OTUB2: variants seen among roughly 807,000 people sequenced by gnomAD.
OTUB2 encodes OTU deubiquitinase, ubiquitin aldehyde binding 2.
A neutral mutation model predicts 25.1 loss-of-function variants in OTUB2; 21 were observed. The ratio of observed to expected loss-of-function variants is 0.84; its 90% CI spans 0.59 to 1.21. The LOEUF is 1.21. OTUB2 is among the 50% of genes most tolerant of loss of function. The pLI is 0.00. For missense variants in OTUB2, 283 were observed against 298.0 expected (o/e 0.95, Z 0.37); for synonymous variants, 122 against 122.8 (o/e 0.99, Z 0.04).
At chr14:94,043,523 G>C (rs1885202657) in intron 3 of OTUB2, among the ~76,000 whole-genome samples, 1 of 152,250 alleles carries the variant, frequency 6.6e-6, no homozygotes, top group South Asian at 2.1e-4. Context: ...CATGCGCAGA[G>C]CAAGGGCCTG....
intron 2 of OTUB2, 118 bp from the exon 3 acceptor site, chr14:94,038,845 G>A: frequency 1.1e-6 from 1 of 885,298 alleles, no homozygotes; most frequent in Non-Finnish European, 1.9e-6. Context: ...ATAGCAGCCT[G>A]AAGGGAGGGA....
intron 4 of OTUB2, 39 bp downstream of exon 4, chr14:94,044,094 A>T: frequency 4.4e-6 from 7 of 1,578,304 alleles, no homozygotes; most frequent in Non-Finnish European, 6.1e-6. Context: ...CTGGCAGAGC[A>T]GACAGGAGTG....
intron 5 of OTUB2, among the ~76,000 whole-genome samples, chr14:94,045,145 G>A (rs1049888111): frequency 2.0e-5 from 3 of 152,164 alleles, no homozygotes; most frequent in Non-Finnish European, 4.4e-5. Context: ...ATGAATATTT[G>A]GATTTCTGCT....
chr14:94,039,351 C>G (rs73348145), intron 3 of OTUB2: 1 of 499,206 alleles, frequency 2.0e-6, no homozygotes, highest in Admixed American at 3.7e-5. Flanking sequence ...CCAGGTGAGT[C>G]GCAGGGAGCA....
rs766461986 is a variant in OTUB2, at chr14:94,026,491, G to C, written c.-47G>C. On this transcript the variant is annotated 5_prime_UTR_variant, in exon 1 of 6. Transcript: ENST00000203664. ...CGCCTCCCGCGGCATTCCCGCACCG[G>C]ATCGCTCCTCGCTGGGGCGGGACCT... The C allele has an allele frequency of 4.5e-6, 6 of 1,323,094 alleles. 1 individual carries two copies. The highest frequency in any genetic ancestry group is 5.8e-6 in the Non-Finnish European group (6 of 1,030,436). 82.0% of individuals were successfully genotyped at this position (1,323,094 alleles called of 1,614,324 possible). A position where few individuals can be genotyped will look rare whatever the true frequency, so the allele number is the denominator to read the frequency against.
At chr14:94,045,233 T>C (rs185648758) in intron 5 of OTUB2, among the ~76,000 whole-genome samples, 69 of 152,272 alleles carry the variant, frequency 4.5e-4, no homozygotes, top group Non-Finnish European at 9.7e-4. Context: ...AGCTGCCCTC[T>C]CTATGTAGGA....
intron 1 of OTUB2, among the ~76,000 whole-genome samples, chr14:94,034,089 A>T (rs1885008271): frequency 6.6e-6 from 1 of 152,232 alleles, no homozygotes; most frequent in African/African-American, 2.4e-5. Context: ...AGTAGAAAGG[A>T]GTTCAAGGTA....
chr14:94,041,616 C>G (rs1885163237), intron 3 of OTUB2, among the ~76,000 whole-genome samples: 1 of 152,126 alleles, frequency 6.6e-6, no homozygotes, highest in Non-Finnish European at 1.5e-5. Flanking sequence ...TGCCCCTGAC[C>G]TCTAGGAGCA....
At chr14:94,035,324 C>T (rs1366385392) in intron 1 of OTUB2, among the ~76,000 whole-genome samples, 1 of 122,554 alleles carries the variant, frequency 8.2e-6, no homozygotes, top group Non-Finnish European at 1.6e-5. Context: ...GAGTCTCGCT[C>T]TGTCACCCAG....
At position 94,044,019 on chromosome 14, in the gene OTUB2, C is replaced by T; in HGVS notation, c.267C>T (p.Gly89=). The T allele has an allele frequency of 6.2e-7, 1 of 1,614,206 alleles. No individual in the cohort carries two copies. Among genetic ancestry groups the T allele is most frequent in the Non-Finnish European group, 8.5e-7 (1 of 1,180,024 alleles). The change falls in exon 4 of 6, where the codon GGC becomes GGT. Residue 89 remains glycine (G), a synonymous_variant. Transcript: ENST00000203664. ...LQTPNDLLAA[G]FEEHKFRNFF... is the part of the protein sequence containing the mutation. ...CCCCAAATGACCTTCTGGCTGCTGG[C>T]TTTGAGGAGCACAAGTTCAGAAACT...
rs977222882 is a variant in OTUB2 at position 94,045,965 on chromosome 14, T to C, written c.*43T>C. 2 of 1,584,148 alleles carry C rather than the reference T, an allele frequency of 1.3e-6. No individual in the cohort carries two copies. Among genetic ancestry groups the C allele is most frequent in the Non-Finnish European group, 1.7e-6 (2 of 1,154,208 alleles). ...AGTGGAACCTGTCACCTAATGGGAC[T>C]GCATTCTGAATGGAACATTCCGGCT... On this transcript the variant is annotated 3_prime_UTR_variant, in exon 6 of 6. Transcript: ENST00000203664.
Position 94,046,178 on chromosome 14 carries a change from C to G in OTUB2, c.*256C>G, listed in dbSNP as rs1007448794. On this transcript the variant is annotated 3_prime_UTR_variant, in exon 6 of 6. Coordinates refer to ENST00000203664, the MANE Select transcript of OTUB2 (RefSeq NM_023112.4). ...TCCGCACCCCAGTTCGCAGTGAGGC[C>G]CTGGGTGGGTCACCTGCCCTCTCTG... is the stretch of plus-strand genomic sequence containing the variant. The G allele has an allele frequency of 1.4e-5, 8 of 571,858 alleles. No homozygotes were observed. Among genetic ancestry groups the G allele is most frequent in the Non-Finnish European group, 2.5e-5 (8 of 321,100 alleles). 35.4% of individuals were successfully genotyped at this position (571,858 alleles called of 1,614,324 possible). A position where few individuals can be genotyped will look rare whatever the true frequency, so the allele number is the denominator to read the frequency against.
intron 1 of OTUB2, among the ~76,000 whole-genome samples, chr14:94,027,043 G>T (rs1665975117): frequency 6.6e-6 from 1 of 152,364 alleles, no homozygotes. Flanking sequence ...CGACTAGACC[G>T]TCTCCATCTT....
chr14:94,042,226 T>C (rs915447473), intron 3 of OTUB2, among the ~76,000 whole-genome samples: 39 of 152,198 alleles, frequency 2.6e-4, no homozygotes, highest in African/African-American at 9.4e-4. Flanking sequence ...CAGAGCCTCA[T>C]AGAGGTCAAA....
chr14:94,034,440 C>T (rs1292010059), intron 1 of OTUB2, among the ~76,000 whole-genome samples: 1 of 152,216 alleles, frequency 6.6e-6, no homozygotes, highest in Non-Finnish European at 1.5e-5. Context: ...CCTCTGTGCT[C>T]TGCCTGCCTA....
intron 1 of OTUB2, among the ~76,000 whole-genome samples, chr14:94,032,944 G>A (rs1172981339): frequency 4.6e-5 from 7 of 152,204 alleles, no homozygotes; most frequent in East Asian, 3.8e-4. Flanking sequence ...TGGAAATGAA[G>A]TCTGTTGCCC....
intron 5 of OTUB2, among the ~76,000 whole-genome samples, chr14:94,045,140 T>C (rs1303504379): frequency 6.6e-6 from 1 of 152,204 alleles, no homozygotes; most frequent in East Asian, 1.9e-4. Flanking sequence ...TTCATATGAA[T>C]ATTTGGATTT....
chr14:94,045,301 C>T (rs1414984621), intron 5 of OTUB2, among the ~76,000 whole-genome samples: 2 of 152,090 alleles, frequency 1.3e-5, no homozygotes, highest in Admixed American at 6.6e-5. Context: ...CACCCGGACT[C>T]GCACCCTCAC....
chr14:94,036,956 A>C (rs1392759664), intron 1 of OTUB2, among the ~76,000 whole-genome samples: 2 of 152,204 alleles, frequency 1.3e-5, no homozygotes, highest in East Asian at 1.9e-4. Flanking sequence ...CATGTGACAC[A>C]GTGCTGGGCA....
Sources: allele counts gnomAD v4.1 joint callset (sites outside exome capture counted in the v4.1 genomes callset), GRCh38; gene constraint gnomAD v4.1.1; transcripts MANE v1.5; gene names NCBI Gene and HGNC (gene_info 2026-07-23, HGNC 2026-07-21).